DOCK2: variants seen among roughly 807,000 people sequenced by gnomAD.
The protein encoded by DOCK2 is dedicator of cytokinesis 2.
DOCK2 carries 87 observed loss-of-function variants against 248.9 expected under a neutral mutation model. The ratio of observed to expected loss-of-function variants is 0.35; its 90% CI spans 0.29 to 0.42. The LOEUF (loss-of-function observed/expected upper bound fraction) is 0.42. DOCK2 is among the 10% of genes least tolerant of loss of function. DOCK2 has a pLI of 1.00. For missense variants in DOCK2, 1,747 were observed against 2,300.2 expected (o/e 0.76, Z 4.92); for synonymous variants, 805 against 821.6 (o/e 0.98, Z 0.35).
chr5:169,825,412 C>G (rs1055174164), intron 26 of DOCK2, among the ~76,000 whole-genome samples: 1 of 151,546 alleles, frequency 6.6e-6, no homozygotes, highest in Non-Finnish European at 1.5e-5. Context: ...AAATGTGGCA[C>G]ATATACACCG....
intron 27 of DOCK2, among the ~76,000 whole-genome samples, chr5:169,950,605 C>A (rs1008025872): frequency 3.3e-5 from 5 of 152,322 alleles, no homozygotes; most frequent in African/African-American, 1.2e-4. Flanking sequence ...CTGGATCATG[C>A]TACAGATTTT....
intron 2 of DOCK2, among the ~76,000 whole-genome samples, chr5:169,656,377 G>A (rs1241279494): frequency 6.6e-6 from 1 of 151,262 alleles, no homozygotes; most frequent in Admixed American, 6.6e-5. Flanking sequence ...AAGCTGGAGT[G>A]CAGTGATGCG....
Position 169,689,336 on chromosome 5 carries a change from G to T in DOCK2, c.843+3G>T. On this transcript the variant is annotated splice_donor_region_variant and intron_variant, in intron 9 of 51. Coordinates refer to ENST00000520908, the MANE Select transcript of DOCK2 (RefSeq NM_004946.3). ...ACAATCTGAAGGTGGTCTTCACGGT[G>T]AGTGTGCACCCTCTTCTCGTTACCG... 6.2e-7 allele frequency: 1 copy of T among 1,613,954 alleles called. No individual in the cohort carries two copies. The highest frequency in any genetic ancestry group is 8.5e-7 in the Non-Finnish European group (1 of 1,179,978).
intron 34 of DOCK2, among the ~76,000 whole-genome samples, chr5:170,030,525 G>A (rs867308345): frequency 1.3e-5 from 2 of 152,178 alleles, no homozygotes; most frequent in African/African-American, 4.8e-5. Flanking sequence ...TGCTTGGGAC[G>A]AGAAGTAGTT....
At chr5:169,705,216 A>T (rs1358338453) in intron 14 of DOCK2, among the ~76,000 whole-genome samples, 3 of 152,186 alleles carry the variant, frequency 2.0e-5, no homozygotes, top group Admixed American at 2.0e-4. Flanking sequence ...TGCAGTAAGT[A>T]CCCAGCAACA....
chr5:169,908,713 CTTTTTTTTTT>C (rs34261104), intron 27 of DOCK2, among the ~76,000 whole-genome samples: 11 of 105,048 alleles, frequency 1.0e-4, no homozygotes, highest in Middle Eastern at 4.7e-3. Context: ...TTTCTTTTTT[CTTTTTTTTTT>C]TTTTTTTTTG....
intron 46 of DOCK2, among the ~76,000 whole-genome samples, chr5:170,072,497 C>T (rs941181321): frequency 1.3e-5 from 2 of 152,180 alleles, no homozygotes; most frequent in African/African-American, 2.4e-5. Context: ...TATGAACATT[C>T]GTGTTTGTGC....
At chr5:169,824,057 C>T (rs1245613768) in intron 26 of DOCK2, among the ~76,000 whole-genome samples, 1 of 152,138 alleles carries the variant, frequency 6.6e-6, no homozygotes, top group Non-Finnish European at 1.5e-5. Context: ...AGGAATCCAA[C>T]TTACAAGGGA....
At chr5:169,864,098 C>T (rs1023580915) in intron 27 of DOCK2, among the ~76,000 whole-genome samples, 1 of 152,156 alleles carries the variant, frequency 6.6e-6, no homozygotes, top group Non-Finnish European at 1.5e-5. Flanking sequence ...AGGTAAGGAT[C>T]GTGGTCAGGT....
chr5:169,641,587 A>G (rs1395025078), intron 1 of DOCK2, among the ~76,000 whole-genome samples: 1 of 152,208 alleles, frequency 6.6e-6, no homozygotes, highest in African/African-American at 2.4e-5. Context: ...TTTTAGGGTC[A>G]GAGGAATCAC....
At chr5:169,761,868 GT>G (rs536398327) in intron 25 of DOCK2, among the ~76,000 whole-genome samples, 76 of 151,700 alleles carry the variant, frequency 5.0e-4, no homozygotes, top group East Asian at 2.9e-3. Flanking sequence ...GTTTAATGAG[GT>G]TTTTTTTTCC....
rs566481449 is a variant in DOCK2 at position 169,701,222 on chromosome 5, G to A, written c.1259-1081G>A. 1.5e-4 allele frequency among the ~76,000 whole-genome samples: 23 copies of A among 152,308 alleles called. No individual in the cohort carries two copies. In the East Asian group the frequency reaches 4.2e-3, roughly 28 times the overall value. ...TACTGATTCTATTTTATGGAATGAA[G>A]CATTGCCCGATTCTAGAATTGCAAT... is the stretch of plus-strand genomic sequence containing the variant. On this transcript the variant is annotated intron_variant, in intron 13 of 51. Coordinates refer to ENST00000520908, the MANE Select transcript of DOCK2 (RefSeq NM_004946.3).
chr5:169,792,702 C>T (rs750904221), intron 25 of DOCK2, among the ~76,000 whole-genome samples: 3 of 152,142 alleles, frequency 2.0e-5, no homozygotes, highest in Non-Finnish European at 2.9e-5. Flanking sequence ...CTTTCATCAC[C>T]AGGATGAAGA....
At chr5:169,926,252 C>G (rs1017112278) in intron 27 of DOCK2, among the ~76,000 whole-genome samples, 3 of 152,332 alleles carry the variant, frequency 2.0e-5, no homozygotes, top group Admixed American at 2.0e-4. Context: ...CTGATTGTCT[C>G]TCACCTGCCA....
chr5:169,883,426 T>G, intron 27 of DOCK2: 1 of 1,551,724 alleles, frequency 6.4e-7, no homozygotes, highest in African/African-American at 1.4e-5. Flanking sequence ...AGGCCCATCC[T>G]CAAGATGCTG....
intron 26 of DOCK2, among the ~76,000 whole-genome samples, chr5:169,834,771 T>A (rs1040151397): frequency 3.9e-5 from 6 of 152,246 alleles, no homozygotes; most frequent in Admixed American, 2.0e-4. Context: ...GTGATCACCT[T>A]AGCATCACAC....
chr5:169,764,965 T>C lies in DOCK2; in HGVS notation c.2554+3340T>C, dbSNP rs1228519689. ...AGGTCAAGGTGAAATATTTGTGATT[T>C]CTCACTTCATTGTTTGTGTTACTAC... is the stretch of plus-strand genomic sequence containing the variant. On this transcript the variant is annotated intron_variant, in intron 25 of 51. Coordinates refer to ENST00000520908, the MANE Select transcript of DOCK2 (RefSeq NM_004946.3). This position sits in a 1 kb window ranked among gnomAD's most constrained non-coding sequence, Gnocchi z 4.3. Among the ~76,000 whole-genome samples the C allele has an allele frequency of 6.6e-6, 1 of 152,006 alleles. No homozygotes were observed. The highest frequency in any genetic ancestry group is 6.6e-5 in the Admixed American group (1 of 15,246).
At chr5:169,953,598 G>A (rs1776753253) in intron 27 of DOCK2, among the ~76,000 whole-genome samples, 1 of 152,206 alleles carries the variant, frequency 6.6e-6, no homozygotes, top group South Asian at 2.1e-4. Context: ...AGACGAGGCT[G>A]AGAGTCAGCT....
At chr5:169,949,566 C>T (rs1301585990) in intron 27 of DOCK2, among the ~76,000 whole-genome samples, 8 of 151,042 alleles carry the variant, frequency 5.3e-5, no homozygotes, top group Non-Finnish European at 7.4e-5. Context: ...TACCCAGAGG[C>T]GGGGGAGCAC....
Sources: gnomAD v4.1 joint callset for allele counts (sites outside exome capture counted in the v4.1 genomes callset) on GRCh38, gnomAD v4.1.1 for gene constraint, Gnocchi (gnomAD v3.1) non-coding constraint, MANE v1.5 for transcripts, NCBI Gene and HGNC (gene_info 2026-07-23, HGNC 2026-07-21) for gene names.